The following ZNF521 variants were observed in gnomAD, a reference collection of about 807,000 sequenced individuals.
ZNF521 encodes the protein zinc finger protein 521.
ZNF521 carries 14 observed loss-of-function variants against 105.5 expected under a neutral mutation model. The observed-to-expected ratio is 0.13, with a 90% CI of 0.09 to 0.21. ZNF521 has a LOEUF of 0.21. ZNF521 is among the 10% of genes least tolerant of loss of function. The pLI, the probability that ZNF521 is intolerant of heterozygous loss-of-function variation, is 1.00. For missense variants in ZNF521, 1,233 were observed against 1,629.7 expected (o/e 0.76, Z 4.19); for synonymous variants, 635 against 606.0 (o/e 1.05, Z -0.70).
chr18:25,174,268 A>T (rs905836650), intron 5 of ZNF521, among the ~76,000 whole-genome samples: 1 of 152,200 alleles, frequency 6.6e-6, no homozygotes, highest in Non-Finnish European at 1.5e-5. Context: ...GAGGAGCACT[A>T]ACTCTGAAAC....
intron 3 of ZNF521, among the ~76,000 whole-genome samples, chr18:25,240,480 G>C (rs1907234015): frequency 6.6e-6 from 1 of 152,192 alleles, no homozygotes; most frequent in Non-Finnish European, 1.5e-5. Flanking sequence ...ATGCCTGAAT[G>C]CTTGCCCACG....
At chr18:25,160,447 T>C (rs9953871) in intron 5 of ZNF521, among the ~76,000 whole-genome samples, 178 of 152,336 alleles carry the variant, frequency 1.2e-3, no homozygotes, top group African/African-American at 4.0e-3. Context: ...TTTAGGAATT[T>C]GGTTGCAAGA....
chr18:25,350,295 T>C (rs1384857845), intron 2 of ZNF521, among the ~76,000 whole-genome samples: 1 of 151,342 alleles, frequency 6.6e-6, no homozygotes, highest in African/African-American at 2.4e-5. Context: ...CCAAGAGGGG[T>C]GCTCTGAGGC....
Position 25,339,462 on chromosome 18 carries a change from C to T in ZNF521, c.40+11445G>A, listed in dbSNP as rs561085063. Among the ~76,000 whole-genome samples, 5 of 152,272 alleles carry T rather than the reference C, an allele frequency of 3.3e-5. No homozygotes were observed. The East Asian group carries it at 5.8e-4, about 18-fold the overall frequency. Reference sequence around the variant, plus strand: ...TAGTCTCATTAACATCGGTGCTGTCCCTTCACAGGAATGGAAATTACTAGC... The same window carrying T: ...TAGTCTCATTAACATCGGTGCTGTCTCTTCACAGGAATGGAAATTACTAGC... On this transcript the variant is annotated intron_variant, in intron 2 of 7. Coordinates refer to ENST00000361524, the MANE Select transcript of ZNF521 (RefSeq NM_015461.3).
intron 5 of ZNF521, among the ~76,000 whole-genome samples, chr18:25,184,908 A>G (rs943699613): frequency 2.6e-5 from 4 of 152,230 alleles, no homozygotes; most frequent in Admixed American, 6.5e-5. Context: ...ATTCTGTTCA[A>G]TAACAGTGCA....
intron 3 of ZNF521, among the ~76,000 whole-genome samples, chr18:25,290,681 G>A (rs1027668560): frequency 2.7e-5 from 4 of 148,152 alleles, no homozygotes; most frequent in African/African-American, 1.0e-4. Context: ...TGTGATCTTG[G>A]CTCACTGCAA....
At chr18:25,168,059 T>C (rs763438751) in intron 5 of ZNF521, among the ~76,000 whole-genome samples, 7 of 152,182 alleles carry the variant, frequency 4.6e-5, no homozygotes, top group Non-Finnish European at 1.5e-5. Flanking sequence ...TCCGAGTCAG[T>C]CTTCTGCAGA....
At chr18:25,349,112 G>A (rs949834339) in intron 2 of ZNF521, among the ~76,000 whole-genome samples, 1 of 151,856 alleles carries the variant, frequency 6.6e-6, no homozygotes, top group Non-Finnish European at 1.5e-5. Flanking sequence ...GGTTTCAGAA[G>A]CTTCTTGGAG....
intron 5 of ZNF521, among the ~76,000 whole-genome samples, chr18:25,136,116 T>TA (rs1477582238): frequency 6.6e-6 from 1 of 152,162 alleles, no homozygotes; most frequent in Admixed American, 6.6e-5. Context: ...TAATAATATA[T>TA]AAAAAAAGTT....
chr18:25,104,026 T>C (rs567462762), intron 5 of ZNF521, among the ~76,000 whole-genome samples: 32 of 152,186 alleles, frequency 2.1e-4, no homozygotes, highest in Non-Finnish European at 3.7e-4. Flanking sequence ...ATCTGTTAAA[T>C]AAAGAATGAG....
intron 3 of ZNF521, among the ~76,000 whole-genome samples, chr18:25,286,751 A>G (rs1362326218): frequency 6.6e-6 from 1 of 152,194 alleles, no homozygotes; most frequent in Non-Finnish European, 1.5e-5. Context: ...AAGGGGAATC[A>G]GAAATTTAAT....
intron 5 of ZNF521, among the ~76,000 whole-genome samples, chr18:25,160,711 T>C (rs1482733385): frequency 6.6e-6 from 1 of 152,224 alleles, no homozygotes; most frequent in African/African-American, 2.4e-5. Flanking sequence ...GGTGAGAACT[T>C]TTCCTCTGAT....
rs373025627 is a variant in ZNF521, at chr18:25,212,772, T to C, written c.3573+11573A>G. Among the ~76,000 whole-genome samples, 76 of 151,276 alleles carry C rather than the reference T, an allele frequency of 5.0e-4. No individual in the cohort carries two copies. In the East Asian group the frequency reaches 0.01, roughly 20 times the overall value. The stretch of plus-strand genomic sequence containing the variant: ...TTTTTCCATAAATGTCTTATATATT[T>C]TGTAAGATTGATTTCTAAGTACCTA... On this transcript the variant is annotated intron_variant, in intron 4 of 7. Transcript: ENST00000361524.
chr18:25,246,540 A>C (rs1316980186), intron 3 of ZNF521, among the ~76,000 whole-genome samples: 2 of 152,118 alleles, frequency 1.3e-5, no homozygotes, highest in Non-Finnish European at 2.9e-5. Context: ...ACTTATCAAA[A>C]CCCCAAAATG....
At chr18:25,202,929 TC>T (rs1249602886) in intron 4 of ZNF521, 7 of 152,310 alleles carry the variant, frequency 4.6e-5, no homozygotes, top group African/African-American at 1.7e-4. Context: ...GTATCAATAT[TC>T]TAATTTGTAT....
intron 3 of ZNF521, among the ~76,000 whole-genome samples, chr18:25,267,662 C>T (rs1909364194): frequency 6.6e-6 from 1 of 152,168 alleles, no homozygotes; most frequent in Non-Finnish European, 1.5e-5. Flanking sequence ...CTATAGCAAA[C>T]ACCAGAAGAG....
chr18:25,312,530 A>AACTATAGAT (rs1912366220), intron 3 of ZNF521, among the ~76,000 whole-genome samples: 1 of 110,962 alleles, frequency 9.0e-6, no homozygotes, highest in African/African-American at 3.3e-5. Context: ...AGTTGGAACC[A>AACTATAGAT]GGCCGGGCGC....
At chr18:25,112,574 C>T (rs918660922) in intron 5 of ZNF521, among the ~76,000 whole-genome samples, 4 of 152,146 alleles carry the variant, frequency 2.6e-5, no homozygotes, top group Non-Finnish European at 5.9e-5. Context: ...TCCCATCCAG[C>T]GCATCTTGCC....
chr18:25,292,962 G>A (rs1298909612), intron 3 of ZNF521, among the ~76,000 whole-genome samples: 3 of 152,118 alleles, frequency 2.0e-5, no homozygotes, highest in African/African-American at 4.8e-5. Flanking sequence ...GGAAGCCCCA[G>A]AGATCCCCAA....
Sources: gnomAD v4.1 joint callset for allele counts (sites outside exome capture counted in the v4.1 genomes callset) on GRCh38, gnomAD v4.1.1 for gene constraint, MANE v1.5 for transcripts, NCBI Gene and HGNC (gene_info 2026-07-23, HGNC 2026-07-21) for gene names.